Variants in SAMD5 observed in about 807,000 individuals in gnomAD.
The protein encoded by SAMD5 is sterile alpha motif domain-containing protein 5.
Under a neutral mutation model 11.3 loss-of-function variants are expected in SAMD5, and 13 were observed. That is an observed-to-expected ratio of 1.15 (90% CI 0.75 to 1.83). SAMD5 has a LOEUF of 1.83. Ranked by LOEUF, SAMD5 falls within the 40% of genes most tolerant of loss-of-function variation. The pLI is 0.00. For synonymous variants in SAMD5, 129 were observed against 111.3 expected (o/e 1.16, Z -1.00); for missense variants, 255 against 239.1 (o/e 1.07, Z -0.44).
In SAMD5 at chr6:147,613,319, T is replaced by C. The variant is rs138916777; in HGVS notation, c.162+103932T>C. Among the ~76,000 whole-genome samples, 41 of 151,972 alleles carry C rather than the reference T, an allele frequency of 2.7e-4. No individual in the cohort carries two copies. The East Asian group carries it at 7.2e-3, about 27-fold the overall frequency. On this transcript the variant is annotated intron_variant, in intron 1 of 1. Coordinates refer to the SAMD5 transcript ENST00000566741. ...GTGAATCTGTGGGTTTCTTTCCTTATTGAGCCCCTGATCCTCTTAAATGAC... is the reference window on the plus strand; with the variant it reads ...GTGAATCTGTGGGTTTCTTTCCTTACTGAGCCCCTGATCCTCTTAAATGAC...
intron 1 of SAMD5, among the ~76,000 whole-genome samples, chr6:147,518,830 C>G (rs1029310713): frequency 1.1e-4 from 16 of 152,194 alleles, no homozygotes; most frequent in African/African-American, 3.9e-4. Flanking sequence ...AATGCTGTTT[C>G]AGATCAGCCA....
At chr6:147,936,270 A>C in the SAMD5 span, among the ~76,000 whole-genome samples, 1 of 152,128 alleles carries the variant, frequency 6.6e-6, no homozygotes. Context: ...AATACCTGTG[A>C]CTGAGTAATT....
At chr6:147,716,043 AG>A (rs1421157420) in intron 1 of SAMD5, among the ~76,000 whole-genome samples, 1 of 152,142 alleles carries the variant, frequency 6.6e-6, no homozygotes, top group Non-Finnish European at 1.5e-5. Flanking sequence ...CAGGCTTTCC[AG>A]GGCTTGAAGC....
chr6:147,650,828 C>T (rs7750174), intron 1 of SAMD5, among the ~76,000 whole-genome samples: 11,503 of 152,036 alleles, frequency 0.076, 1,486 homozygotes, highest in African/African-American at 0.26. Context: ...GGCATCCAGG[C>T]GGAGATACCT....
the SAMD5 span, among the ~76,000 whole-genome samples, chr6:147,911,917 G>A: frequency 6.6e-6 from 1 of 152,204 alleles, no homozygotes; most frequent in Non-Finnish European, 1.5e-5. Flanking sequence ...GCCTGGCTAA[G>A]AGTGATGGCT....
At chr6:147,846,361 C>T in the SAMD5 span, among the ~76,000 whole-genome samples, 16 of 152,264 alleles carry the variant, frequency 1.1e-4, no homozygotes, top group Admixed American at 2.6e-4. Flanking sequence ...CAGACACAAT[C>T]ACATGAGTAC....
chr6:147,657,208 C>T (rs886554345), intron 1 of SAMD5, among the ~76,000 whole-genome samples: 1 of 152,088 alleles, frequency 6.6e-6, no homozygotes, highest in Admixed American at 6.6e-5. Flanking sequence ...AGAAAACATA[C>T]TGATCTTGTG....
intron 1 of SAMD5, among the ~76,000 whole-genome samples, chr6:147,634,734 A>G (rs748061313): frequency 6.6e-6 from 1 of 152,226 alleles, no homozygotes; most frequent in Non-Finnish European, 1.5e-5. Flanking sequence ...CACCTACAAC[A>G]TAATAGACAT....
the SAMD5 span, among the ~76,000 whole-genome samples, chr6:147,758,879 G>T: frequency 1.8e-4 from 27 of 152,044 alleles, no homozygotes; most frequent in Non-Finnish European, 3.1e-4. Flanking sequence ...AGAATGGGGG[G>T]TACTCTAAAA....
the SAMD5 span, among the ~76,000 whole-genome samples, chr6:147,889,841 A>G: frequency 6.6e-6 from 1 of 151,882 alleles, no homozygotes; most frequent in Non-Finnish European, 1.5e-5. Flanking sequence ...GTTGATCAGG[A>G]CTCCACTGCG....
At chr6:147,881,873 G>A in the SAMD5 span, among the ~76,000 whole-genome samples, 1 of 152,164 alleles carries the variant, frequency 6.6e-6, no homozygotes, top group Non-Finnish European at 1.5e-5. Context: ...TGGGGGGATC[G>A]ATGTGAGAAA....
Position 147,567,018 on chromosome 6 carries a change from T to C in SAMD5, c.*2562T>C, listed in dbSNP as rs976234778. On this transcript the variant is annotated 3_prime_UTR_variant, in exon 2 of 2. Coordinates refer to ENST00000367474, the MANE Select transcript of SAMD5 (RefSeq NM_001030060.3). The stretch of plus-strand genomic sequence containing the variant: ...ATATGTTATAAAAACTAGGGGATTA[T>C]CTTGATTTACATTTCCTAGAGTATT... 1 of 879,538 alleles carries C rather than the reference T, an allele frequency of 1.1e-6. No homozygotes were observed. The highest frequency in any genetic ancestry group is 6.2e-5 in the Admixed American group (1 of 16,130). 54.5% of individuals were successfully genotyped at this position (879,538 alleles called of 1,614,324 possible). A position where few individuals can be genotyped will look rare whatever the true frequency, so the allele number is the denominator to read the frequency against.
the SAMD5 span, among the ~76,000 whole-genome samples, chr6:147,770,116 T>C: frequency 1.3e-5 from 2 of 152,220 alleles, no homozygotes; most frequent in Admixed American, 6.5e-5. Flanking sequence ...GGTATATAGC[T>C]GGGGATTATG....
At position 147,564,475 on chromosome 6, in the gene SAMD5, C is replaced by G. The variant is rs202108242; in HGVS notation, c.*19C>G. ...CCGCTAGATATCATTTTTGAGACCTCGTGGAGGACTGATGAGGTGCCTGAA... is the reference window on the plus strand; with the variant it reads ...CCGCTAGATATCATTTTTGAGACCTGGTGGAGGACTGATGAGGTGCCTGAA... On this transcript the variant is annotated 3_prime_UTR_variant, in exon 2 of 2. Coordinates refer to ENST00000367474, the MANE Select transcript of SAMD5 (RefSeq NM_001030060.3). 1.3e-6 allele frequency: 1 copy of G among 789,740 alleles called. No homozygotes were observed. The highest frequency in any genetic ancestry group is 2.4e-5 in the East Asian group (1 of 41,240). The allele number at this position is 789,740 out of a possible 1,614,324, so 48.9% of individuals were successfully genotyped here.
At chr6:147,842,396 A>G in the SAMD5 span, among the ~76,000 whole-genome samples, 1 of 151,730 alleles carries the variant, frequency 6.6e-6, no homozygotes, top group Non-Finnish European at 1.5e-5. Flanking sequence ...TTTCTGGACA[A>G]GAAATGTATT....
intron 1 of SAMD5, among the ~76,000 whole-genome samples, chr6:147,688,841 C>G (rs1791058116): frequency 6.6e-6 from 1 of 152,130 alleles, no homozygotes; most frequent in Non-Finnish European, 1.5e-5. Flanking sequence ...TTGTTTGTAA[C>G]AAATTAGTCC....
chr6:147,790,979 T>G, the SAMD5 span, among the ~76,000 whole-genome samples: 1 of 152,134 alleles, frequency 6.6e-6, no homozygotes, highest in East Asian at 1.9e-4. Flanking sequence ...ACATCCGAGA[T>G]GTCCTTTCTG....
chr6:147,915,470 T>A, the SAMD5 span, among the ~76,000 whole-genome samples: 25 of 152,340 alleles, frequency 1.6e-4, no homozygotes, highest in East Asian at 9.6e-4. Context: ...TATCTACTAG[T>A]TGTGTAACCT....
chr6:147,575,056 A>G (rs550207337), intron 1 of SAMD5, among the ~76,000 whole-genome samples: 1 of 152,384 alleles, frequency 6.6e-6, no homozygotes, highest in African/African-American at 2.4e-5. Context: ...TGATAGAGTT[A>G]TCTTAGGCTT....
Sources: allele counts gnomAD v4.1 joint callset (sites outside exome capture counted in the v4.1 genomes callset), GRCh38; gene constraint gnomAD v4.1.1; transcripts MANE v1.5; gene names NCBI Gene and HGNC (gene_info 2026-07-23, HGNC 2026-07-21).